The following EHMT1 variants were observed in gnomAD, a reference collection of about 807,000 sequenced individuals.
EHMT1 encodes histone-lysine N-methyltransferase EHMT1.
Under a neutral mutation model 147.2 loss-of-function variants are expected in EHMT1, and 15 were observed. The ratio of observed to expected loss-of-function variants is 0.10; its 90% CI spans 0.07 to 0.16. The LOEUF (loss-of-function observed/expected upper bound fraction) is 0.16, where lower values mean the gene tolerates loss of function less well. Ranked by LOEUF, EHMT1 falls within the 10% of genes least tolerant of loss-of-function variation. EHMT1 has a pLI of 1.00. For missense variants in EHMT1, 1,587 were observed against 1,772.4 expected (o/e 0.90, Z 1.88); for synonymous variants, 795 against 709.6 (o/e 1.12, Z -1.91).
intron 4 of EHMT1, among the ~76,000 whole-genome samples, chr9:137,742,626 C>T (rs1039717393): frequency 6.6e-6 from 1 of 152,096 alleles, no homozygotes; most frequent in Non-Finnish European, 1.5e-5. Flanking sequence ...GGGTTGGGAG[C>T]CCCCAGGCCC....
At chr9:137,826,108 C>T (rs894335617) in intron 25 of EHMT1, among the ~76,000 whole-genome samples, 3 of 123,658 alleles carry the variant, frequency 2.4e-5, no homozygotes, top group Admixed American at 1.1e-4. Flanking sequence ...AACCATGTGG[C>T]GTCAGTGCTG....
intron 17 of EHMT1, 138 bp from the exon 18 acceptor site, chr9:137,800,742 G>A: frequency 1.4e-6 from 1 of 699,516 alleles, no homozygotes; most frequent in Non-Finnish European, 2.5e-6. Flanking sequence ...TCTGAAGGTT[G>A]CATTCAGGTC....
intron 10 of EHMT1, among the ~76,000 whole-genome samples, chr9:137,768,306 A>G (rs1033456172): frequency 1.4e-5 from 2 of 142,172 alleles, no homozygotes; most frequent in African/African-American, 5.2e-5. Context: ...TAGTTTTTCC[A>G]CTTATACCAT....
chr9:137,743,823 C>T, intron 5 of EHMT1, 79 bp from the exon 6 acceptor site: 1 of 1,506,728 alleles, frequency 6.6e-7, no homozygotes, highest in Non-Finnish European at 8.9e-7. Flanking sequence ...CCCAGTCACC[C>T]AAGACTCCTC....
Position 137,666,559 on chromosome 9 carries a change from C to T in EHMT1, c.22-44408C>T, listed in dbSNP as rs372316479. ...CAGGCTGTGCAGGGCAAGGGCTGGC[C>T]GTGCCACGGTGCAGCTGGCTCTTTG... On this transcript the variant is annotated intron_variant, in intron 1 of 26. Coordinates refer to ENST00000460843, the MANE Select transcript of EHMT1 (RefSeq NM_024757.5). Among the ~76,000 whole-genome samples the T allele has an allele frequency of 9.2e-5, 14 of 152,314 alleles. No homozygotes were observed. In the East Asian group the frequency reaches 1.9e-3, roughly 21 times the overall value.
At chr9:137,810,507 TTTTC>T (rs1361480866) in intron 18 of EHMT1, among the ~76,000 whole-genome samples, 2 of 152,228 alleles carry the variant, frequency 1.3e-5, no homozygotes, top group Non-Finnish European at 2.9e-5. Flanking sequence ...GAGTTGAACA[TTTTC>T]TTATGTTTAC....
chr9:137,742,758 C>T (rs1393502887), intron 4 of EHMT1, among the ~76,000 whole-genome samples: 1 of 152,098 alleles, frequency 6.6e-6, no homozygotes, highest in Non-Finnish European at 1.5e-5. Context: ...ACTGTCTTTC[C>T]CCTTAGTCAC....
chr9:137,645,271 C>T (rs534413398), intron 1 of EHMT1, among the ~76,000 whole-genome samples: 11 of 152,340 alleles, frequency 7.2e-5, no homozygotes, highest in African/African-American at 2.4e-4. Context: ...GGAGAAAGGG[C>T]CGGAATTGGC....
intron 1 of EHMT1, among the ~76,000 whole-genome samples, chr9:137,691,478 G>A (rs896154407): frequency 6.6e-6 from 1 of 151,738 alleles, no homozygotes; most frequent in Non-Finnish European, 1.5e-5. Context: ...GCGCCCAGCC[G>A]TAATGTTCTG....
intron 7 of EHMT1, 107 bp downstream of exon 7, chr9:137,752,515 C>A: frequency 7.5e-7 from 1 of 1,337,126 alleles, no homozygotes; most frequent in Non-Finnish European, 1.0e-6. Flanking sequence ...TGAGCGCTCA[C>A]CCATGTGCTT....
At chr9:137,720,731 C>T (rs999820189) in intron 3 of EHMT1, among the ~76,000 whole-genome samples, 23 of 152,312 alleles carry the variant, frequency 1.5e-4, no homozygotes, top group African/African-American at 5.5e-4. Context: ...CTGCTGAGGC[C>T]TTGGTGTTCT....
intron 25 of EHMT1, among the ~76,000 whole-genome samples, chr9:137,823,058 G>A (rs1955549508): frequency 2.7e-5 from 4 of 150,616 alleles, no homozygotes. Flanking sequence ...AGCCTCCTGA[G>A]TAGCTGGGAC....
intron 1 of EHMT1, chr9:137,665,850 C>T (rs1007817186): frequency 2.0e-5 from 3 of 152,224 alleles, no homozygotes; most frequent in African/African-American, 4.8e-5. Context: ...GGTGCCTGGG[C>T]GGCCGCGTGC....
At position 137,782,283 on chromosome 9, in the gene EHMT1, G is replaced by A; in HGVS notation, c.2276-8G>A. On this transcript the variant is annotated splice_polypyrimidine_tract_variant and splice_region_variant and intron_variant, in intron 14 of 26. Coordinates refer to ENST00000460843, the MANE Select transcript of EHMT1 (RefSeq NM_024757.5). The surrounding 1 kb of genome is among the most constrained non-coding windows in gnomAD (Gnocchi z 5.7). ...TGAAATCATTAATAAAACTGTGTTT[G>A]TTCACAGTGGACGGAATTGACCCCA... 6.2e-7 allele frequency: 1 copy of A among 1,608,374 alleles called. No homozygotes were observed.
Position 137,717,087 on chromosome 9 carries a change from A to T in EHMT1, c.547A>T (p.Ser183Cys). The T allele has an allele frequency of 6.8e-6, 11 of 1,611,332 alleles. No homozygotes were observed. Among genetic ancestry groups the T allele is most frequent in the Non-Finnish European group, 8.5e-6 (10 of 1,178,974 alleles). ...AAPPATLGEG[S>C]ADTEDRKLPA... ...CCCACCAGCCACCCTTGGGGAGGGG[A>T]GTGCTGACACAGAGGACAGGAAGCT... The change falls in exon 3 of 27, where the codon AGT becomes TGT. Residue 183 changes from serine to cysteine, a missense_variant. Transcript: ENST00000460843.
rs999267370 is a variant in EHMT1, at chr9:137,761,542, C to G, written c.1502-1133C>G. On this transcript the variant is annotated intron_variant, in intron 9 of 26. Transcript: ENST00000460843. ...AATCTCAGCTCACTACAACCTCCGA[C>G]TCCCTGGTTCAAGTGATTCTCCTGC... Among the ~76,000 whole-genome samples the G allele has an allele frequency of 5.3e-5, 8 of 152,348 alleles. 1 individual carries two copies. Among genetic ancestry groups the G allele is most frequent in the Admixed American group, 5.2e-4 (8 of 15,304 alleles).
intron 1 of EHMT1, among the ~76,000 whole-genome samples, chr9:137,621,723 C>A (rs544258450): frequency 6.6e-6 from 1 of 152,282 alleles, no homozygotes; most frequent in South Asian, 2.1e-4. Context: ...TGTCCAGGGT[C>A]ACTGAGGATC....
chr9:137,771,197 C>CTTTTT (rs1189483493), intron 10 of EHMT1, among the ~76,000 whole-genome samples: 5 of 105,916 alleles, frequency 4.7e-5, no homozygotes, highest in East Asian at 2.5e-4. Context: ...TCTTCCATGT[C>CTTTTT]TTTTTTTTTT....
At chr9:137,682,149 C>T (rs991293928) in intron 1 of EHMT1, among the ~76,000 whole-genome samples, 3 of 152,008 alleles carry the variant, frequency 2.0e-5, no homozygotes, top group Admixed American at 6.6e-5. Context: ...GGGGTTTCTC[C>T]GTGTTCGTCA....
Sources: allele counts gnomAD v4.1 joint callset (sites outside exome capture counted in the v4.1 genomes callset), GRCh38; gene constraint gnomAD v4.1.1; non-coding constraint Gnocchi (gnomAD v3.1); transcripts MANE v1.5; gene names NCBI Gene and HGNC (gene_info 2026-07-23, HGNC 2026-07-21).